The following MYOC variants were observed in gnomAD, a reference collection of about 807,000 sequenced individuals.
MYOC encodes myocilin, also known as juvenile-onset open-angle glaucoma 1.
In MYOC, 29 loss-of-function variants were observed where a neutral mutation model predicts 28.2. That is an observed-to-expected ratio of 1.03 (90% CI 0.77 to 1.40). The LOEUF (loss-of-function observed/expected upper bound fraction) is 1.40, where lower values mean the gene tolerates loss of function less well. Among genes scored for constraint, MYOC ranks in the 40% most tolerant of loss-of-function variants. The probability of loss-of-function intolerance (pLI) is 0.00; values close to 1 mark genes in which losing one functional copy is unlikely to be tolerated. For missense variants in MYOC, 569 were observed against 620.6 expected (o/e 0.92, Z 0.88); for synonymous variants, 240 against 245.6 (o/e 0.98, Z 0.21).
intron 2 of MYOC, among the ~76,000 whole-genome samples, chr1:171,637,971 G>T (rs530840731): frequency 6.6e-6 from 1 of 152,218 alleles, no homozygotes; most frequent in African/African-American, 2.4e-5. Flanking sequence ...GAAACACTTT[G>T]CTGCTCATAT....
intron 1 of MYOC, among the ~76,000 whole-genome samples, chr1:171,649,471 C>T (rs941384671): frequency 6.6e-6 from 1 of 152,082 alleles, no homozygotes; most frequent in African/African-American, 2.4e-5. Context: ...GTCTATAAAC[C>T]AGAGGTCAGC....
At chr1:171,646,501 G>GT (rs370758061) in intron 1 of MYOC, among the ~76,000 whole-genome samples, 2,039 of 129,790 alleles carry the variant, frequency 0.016, 14 homozygotes, top group African/African-American at 0.021. Context: ...TTTTTTTTTT[G>GT]TTTTTTTTTT....
At chr1:171,640,254 G>T (rs925315578) in intron 1 of MYOC, among the ~76,000 whole-genome samples, 1 of 150,970 alleles carries the variant, frequency 6.6e-6, no homozygotes, top group Non-Finnish European at 1.5e-5. Flanking sequence ...TGTGTGCAGA[G>T]TTCCTATAGG....
At chr1:171,643,685 A>G (rs1278841500) in intron 1 of MYOC, among the ~76,000 whole-genome samples, 1 of 152,150 alleles carries the variant, frequency 6.6e-6, no homozygotes, top group African/African-American at 2.4e-5. Context: ...CTCAGAATAT[A>G]AGAGTTGCTG....
chr1:171,641,044 C>A (rs10913372), intron 1 of MYOC, among the ~76,000 whole-genome samples: 2 of 152,010 alleles, frequency 1.3e-5, no homozygotes, highest in Non-Finnish European at 2.9e-5. Flanking sequence ...TAATTTAAAC[C>A]GTGGACCTTG....
At chr1:171,644,577 CT>C (rs10545148) in intron 1 of MYOC, among the ~76,000 whole-genome samples, 7,238 of 139,978 alleles carry the variant, frequency 0.052, 151 homozygotes, top group Non-Finnish European at 0.064. Flanking sequence ...TAAAAAACAG[CT>C]TTTTTTTTTT....
intron 1 of MYOC, among the ~76,000 whole-genome samples, chr1:171,639,477 A>G (rs1401247784): frequency 6.6e-6 from 1 of 151,980 alleles, no homozygotes; most frequent in Non-Finnish European, 1.5e-5. Context: ...AATTTCAATA[A>G]TTAAAAATTC....
At chr1:171,639,658 A>AAAAAAAAC (rs1653025169) in intron 1 of MYOC, among the ~76,000 whole-genome samples, 1 of 150,776 alleles carries the variant, frequency 6.6e-6, no homozygotes, top group Non-Finnish European at 1.5e-5. Flanking sequence ...GTCTCAAAAA[A>AAAAAAAAC]AAAAAAAAAG....
chr1:171,646,738 G>A (rs1572214992), intron 1 of MYOC, among the ~76,000 whole-genome samples: 1 of 151,900 alleles, frequency 6.6e-6, no homozygotes, highest in African/African-American at 2.4e-5. Flanking sequence ...CTCGTGATCC[G>A]CCTGCCTCAG....
At position 171,638,674 on chromosome 1, in the gene MYOC, T is replaced by C. The variant is rs767943710; in HGVS notation, c.653A>G (p.Glu218Gly). 1 of 1,614,138 alleles carries C rather than the reference T, an allele frequency of 6.2e-7. No individual in the cohort carries two copies. The highest frequency in any genetic ancestry group is 1.1e-5 in the South Asian group (1 of 91,086). ...DTLAFQELKS[E>G]LTEVPASRIL... ...TCGGGAAGCAGGAACTTCAGTTAGC[T>C]CGGACTTCAGTTCCTGGAAGGCCAA... Residue 218 changes from glutamate (E) to glycine (G), a missense_variant, in exon 2 of 3, where the codon GAG becomes GGG. Physicochemically the swap from Glu to Gly is moderately conservative, Grantham distance 98 (BLOSUM62 -2). Coordinates refer to ENST00000037502, the MANE Select transcript of MYOC (RefSeq NM_000261.2).
chr1:171,638,673 C>T lies in MYOC; in HGVS notation c.654G>A (p.Glu218=). The change falls in exon 2 of 3, where the codon GAG becomes GAA. Residue 218 remains glutamate, a synonymous_variant. Coordinates refer to ENST00000037502, the MANE Select transcript of MYOC (RefSeq NM_000261.2). ...TTCGGGAAGCAGGAACTTCAGTTAG[C>T]TCGGACTTCAGTTCCTGGAAGGCCA... ...DTLAFQELKS[E]LTEVPASRIL... 3 of 1,614,126 alleles carry T rather than the reference C, an allele frequency of 1.9e-6. No homozygotes were observed. Among genetic ancestry groups the T allele is most frequent in the African/African-American group, 1.3e-5 (1 of 75,050 alleles).
chr1:171,651,351 CA>C (rs1351921238), intron 1 of MYOC, among the ~76,000 whole-genome samples: 2 of 148,722 alleles, frequency 1.3e-5, no homozygotes, highest in African/African-American at 4.9e-5. Flanking sequence ...GCACCCCCCC[CA>C]CACACACACA....
intron 1 of MYOC, among the ~76,000 whole-genome samples, chr1:171,641,593 T>C (rs1653077953): frequency 6.6e-6 from 1 of 152,192 alleles, no homozygotes; most frequent in African/African-American, 2.4e-5. Flanking sequence ...GTGAGTCCTT[T>C]GCTAACCGTA....
intron 1 of MYOC, among the ~76,000 whole-genome samples, chr1:171,640,169 T>C (rs1382864176): frequency 1.3e-5 from 2 of 152,086 alleles, no homozygotes; most frequent in Admixed American, 6.6e-5. Flanking sequence ...AAGTAACATA[T>C]TAAGCTTTAT....
At chr1:171,649,087 A>G (rs1435900131) in intron 1 of MYOC, among the ~76,000 whole-genome samples, 3 of 152,030 alleles carry the variant, frequency 2.0e-5, no homozygotes. Context: ...AGAAAAAGTT[A>G]TATATAACTT....
rs1652931301 is a variant in MYOC, at chr1:171,636,669, C to T, written c.771G>A (p.Leu257=). The change falls in exon 3 of 3, where the codon CTG becomes CTA. Residue 257 remains leucine (L), a synonymous_variant. Transcript: ENST00000037502. ...ELVWVGEPLT[L]RTAETITGKY... is the part of the protein sequence containing the mutation. ...TGCCAGTAATTGTTTCTGCTGTTCT[C>T]AGCGTGAGAGGCTCTCCTACCCAAA... 1 of 1,606,408 alleles carries T rather than the reference C, an allele frequency of 6.2e-7. No individual in the cohort carries two copies. The highest frequency in any genetic ancestry group is 1.1e-5 in the South Asian group (1 of 91,082).
At chr1:171,642,035 A>G (rs1327817539) in intron 1 of MYOC, among the ~76,000 whole-genome samples, 4 of 152,216 alleles carry the variant, frequency 2.6e-5, no homozygotes, top group Non-Finnish European at 2.9e-5. Flanking sequence ...GCTTCAACAA[A>G]TTATAGTACT....
chr1:171,643,968 C>CA lies in MYOC; in HGVS notation c.605-5247dup, dbSNP rs145167337. Among the ~76,000 whole-genome samples, 329 of 89,346 alleles carry CA rather than the reference C, an allele frequency of 3.7e-3. 1 individual carries two copies. The highest frequency in any genetic ancestry group is 7.2e-3 in the East Asian group (18 of 2,506). The allele number at this position is 89,346 out of a possible 152,430, so 58.6% of individuals were successfully genotyped here. On this transcript the variant is annotated intron_variant, in intron 1 of 2. Coordinates refer to ENST00000037502, the MANE Select transcript of MYOC (RefSeq NM_000261.2). ...CCTGGGTGACAGAGAGACTCTGTCT[C>CA]AAAAAAAAAAAAAAAAAAAAAAAAA...
rs1446538467 is a variant in MYOC, at chr1:171,652,351, G to A, written c.261C>T (p.Ala87=). Residue 87 remains alanine (A), a synonymous_variant, in exon 1 of 3, where the codon GCC becomes GCT. Transcript: ENST00000037502. The part of the protein sequence containing the change: ...DSSTQRLDLE[A]TKARLSSLES... The stretch of plus-strand genomic sequence containing the variant: ...CCAGGGAGCTGAGTCGAGCTTTGGT[G>A]GCCTCCAGGTCTAAGCGTTGGGTGC... 1.9e-6 allele frequency: 3 copies of A among 1,610,224 alleles called. No individual in the cohort carries two copies. The highest frequency in any genetic ancestry group is 2.2e-5 in the East Asian group (1 of 44,778).
Sources: gnomAD v4.1 joint callset for allele counts (sites outside exome capture counted in the v4.1 genomes callset) on GRCh38, gnomAD v4.1.1 for gene constraint, MANE v1.5 for transcripts, NCBI Gene and HGNC (gene_info 2026-07-23, HGNC 2026-07-21) for gene names.